Variants in PTPN4 observed in about 807,000 individuals in gnomAD.
PTPN4 encodes the protein protein tyrosine phosphatase non-receptor type 4.
In PTPN4, 49 loss-of-function variants were observed where a neutral mutation model predicts 135.5. The observed-to-expected ratio is 0.36, with a 90% confidence interval of 0.29 to 0.46. The LOEUF (loss-of-function observed/expected upper bound fraction) is 0.46, where lower values mean the gene tolerates loss of function less well. Ranked by LOEUF, PTPN4 falls within the 20% of genes least tolerant of loss-of-function variation. The pLI, the probability that PTPN4 is intolerant of heterozygous loss-of-function variation, is 1.00. For missense variants in PTPN4, 860 were observed against 1,101.0 expected (o/e 0.78, Z 3.10); for synonymous variants, 333 against 369.9 (o/e 0.90, Z 1.14).
At chr2:119,830,504 T>C (rs1457860722) in intron 2 of PTPN4, among the ~76,000 whole-genome samples, 1 of 152,196 alleles carries the variant, frequency 6.6e-6, no homozygotes, top group Non-Finnish European at 1.5e-5. Context: ...GACGAGTCTC[T>C]GTCACCCAGG....
At chr2:119,945,588 T>G (rs1430719712) in intron 16 of PTPN4, among the ~76,000 whole-genome samples, 2 of 127,878 alleles carry the variant, frequency 1.6e-5, no homozygotes, top group African/African-American at 5.5e-5. Flanking sequence ...CCCTAAAACT[T>G]AAAGTATAAT....
intron 9 of PTPN4, among the ~76,000 whole-genome samples, chr2:119,891,394 G>A (rs1171073765): frequency 6.6e-6 from 1 of 151,944 alleles, no homozygotes; most frequent in Non-Finnish European, 1.5e-5. Flanking sequence ...GTGATCTCAG[G>A]TCACTGCAAC....
chr2:119,917,179 G>A (rs1678665713), intron 11 of PTPN4, among the ~76,000 whole-genome samples: 1 of 152,074 alleles, frequency 6.6e-6, no homozygotes, highest in South Asian at 2.1e-4. Flanking sequence ...TATGTGCCTG[G>A]TAAAAGACCA....
At chr2:119,796,436 T>C (rs1269719760) in intron 1 of PTPN4, among the ~76,000 whole-genome samples, 1 of 152,242 alleles carries the variant, frequency 6.6e-6, no homozygotes, top group East Asian at 1.9e-4. Flanking sequence ...TGTAGAATTT[T>C]ATATAAATGG....
intron 2 of PTPN4, 81 bp downstream of exon 2, chr2:119,810,072 AT>A: frequency 1.4e-6 from 2 of 1,422,840 alleles, no homozygotes; most frequent in Non-Finnish European, 1.9e-6. Context: ...GGATTATTAA[AT>A]TATAGTACAG....
At chr2:119,768,189 A>G (rs1239309163) in intron 1 of PTPN4, among the ~76,000 whole-genome samples, 1 of 151,882 alleles carries the variant, frequency 6.6e-6, no homozygotes, top group Admixed American at 6.6e-5. Flanking sequence ...TGTTGGTCAA[A>G]TTGTCCCAAA....
At chr2:119,785,925 C>T (rs1444290725) in intron 1 of PTPN4, among the ~76,000 whole-genome samples, 1 of 152,092 alleles carries the variant, frequency 6.6e-6, no homozygotes, top group African/African-American at 2.4e-5. Context: ...TAGACTGATC[C>T]ATTCATCTTC....
At chr2:119,804,438 C>T (rs186834809) in intron 1 of PTPN4, among the ~76,000 whole-genome samples, 4 of 151,848 alleles carry the variant, frequency 2.6e-5, no homozygotes, top group Non-Finnish European at 5.9e-5. Flanking sequence ...CTGCCCTCCA[C>T]CCAACGACAG....
At chr2:119,830,987 A>T (rs926915865) in intron 2 of PTPN4, among the ~76,000 whole-genome samples, 2 of 152,194 alleles carry the variant, frequency 1.3e-5, no homozygotes, top group Non-Finnish European at 2.9e-5. Context: ...GACTAATACA[A>T]TAATTCAGCA....
chr2:119,878,087 G>A (rs1266718714), intron 5 of PTPN4, among the ~76,000 whole-genome samples: 3 of 152,078 alleles, frequency 2.0e-5, no homozygotes, highest in Non-Finnish European at 4.4e-5. Context: ...AGCATGTTGA[G>A]GCCTTTACAT....
intron 10 of PTPN4, among the ~76,000 whole-genome samples, chr2:119,908,948 G>C (rs1678528575): frequency 6.6e-6 from 1 of 152,146 alleles, no homozygotes; most frequent in African/African-American, 2.4e-5. Context: ...ATTCCCTTAA[G>C]CTTAATCCAG....
chr2:119,973,136 C>A (rs982993242), intron 26 of PTPN4, among the ~76,000 whole-genome samples: 6 of 151,968 alleles, frequency 3.9e-5, no homozygotes, highest in Admixed American at 1.3e-4. Flanking sequence ...AAAACCAAAA[C>A]TCTATATCCA....
In PTPN4 at chr2:119,965,569, A is replaced by T; in HGVS notation, c.2482A>T (p.Ser828Cys). 6.2e-7 allele frequency: 1 copy of T among 1,613,928 alleles called. No individual in the cohort carries two copies. Among genetic ancestry groups the T allele is most frequent in the Non-Finnish European group, 8.5e-7 (1 of 1,179,816 alleles). The change falls in exon 25 of 27, where the codon AGT becomes TGT. Residue 828 changes from serine (S) to cysteine (C), a missense_variant. Around this residue, in one of 2 missense-constraint regions of PTPN4, gnomAD observed 176 missense variants for 294.1 expected, o/e 0.60. Transcript: ENST00000263708. ...TGACCATGGAGTCCCTGATGATTCG[A>T]GTGACTTTCTAGATTTTGTTTGTCA... ...WPDHGVPDDS[S>C]DFLDFVCHVR...
rs959625628 is a variant in PTPN4 at position 119,760,235 on chromosome 2, G to A, written c.-167G>A. 1.0e-5 allele frequency: 4 copies of A among 396,606 alleles called. No individual in the cohort carries two copies. Among genetic ancestry groups the A allele is most frequent in the Non-Finnish European group, 1.8e-5 (4 of 224,720 alleles). The allele number at this position is 396,606 out of a possible 1,614,324, so 24.6% of individuals were successfully genotyped here. A position where few individuals can be genotyped will look rare whatever the true frequency, so the allele number is the denominator to read the frequency against. ...AGCATGAGGTGGTGCTGGCGGCTCC[G>A]GGTCGTGGCGCGACCGCTGCGGCGG... On this transcript the variant is annotated 5_prime_UTR_variant, in exon 1 of 27. Transcript: ENST00000263708.
chr2:119,780,240 C>T (rs1690912355), intron 1 of PTPN4, among the ~76,000 whole-genome samples: 1 of 152,132 alleles, frequency 6.6e-6, no homozygotes. Context: ...TTGCAGATAT[C>T]ATGATCATAA....
intron 23 of PTPN4, 27 bp downstream of exon 23, chr2:119,960,980 T>C (rs776781002): frequency 6.3e-7 from 1 of 1,598,630 alleles, no homozygotes; most frequent in African/African-American, 1.4e-5. Flanking sequence ...TCTTACACAT[T>C]GCTTGGACTT....
intron 1 of PTPN4, among the ~76,000 whole-genome samples, chr2:119,773,187 T>C (rs1187577422): frequency 6.6e-6 from 1 of 152,182 alleles, no homozygotes; most frequent in Non-Finnish European, 1.5e-5. Context: ...TTCTTACTAA[T>C]TTATAATATC....
chr2:119,945,347 C>A, intron 16 of PTPN4, 107 bp downstream of exon 16: 4 of 971,878 alleles, frequency 4.1e-6, no homozygotes, highest in Non-Finnish European at 5.9e-6. Context: ...TATTACAGTA[C>A]CTTCTCTTTT....
At chr2:119,973,159 C>T (rs953253143) in intron 26 of PTPN4, among the ~76,000 whole-genome samples, 4 of 151,978 alleles carry the variant, frequency 2.6e-5, no homozygotes, top group African/African-American at 9.7e-5. Context: ...AAAAAAAACT[C>T]CCCATTTTCT....
Sources: allele counts gnomAD v4.1 joint callset (sites outside exome capture counted in the v4.1 genomes callset), GRCh38; gene constraint gnomAD v4.1.1; regional missense constraint gnomAD v4.1.1; transcripts MANE v1.5; gene names NCBI Gene and HGNC (gene_info 2026-07-23, HGNC 2026-07-21).